Variants in GPM6B observed in about 807,000 individuals in gnomAD.
GPM6B encodes glycoprotein M6B.
Under a neutral mutation model 27.2 loss-of-function variants are expected in GPM6B, and 4 were observed. The ratio of observed to expected loss-of-function variants is 0.15; its 90% CI spans 0.07 to 0.34. GPM6B has a LOEUF of 0.34. Among genes scored for constraint, GPM6B ranks in the 10% least tolerant of loss-of-function variants. The probability of loss-of-function intolerance (pLI) is 1.00; values close to 1 mark genes in which losing one functional copy is unlikely to be tolerated. For missense variants in GPM6B, 183 were observed against 261.9 expected, an observed-to-expected ratio of 0.70 and a Z score of 2.08; for synonymous variants, 124 against 103.1, an observed-to-expected ratio of 1.20 and a Z score of -1.23.
chrX:13,817,523 T>G (rs1398047203), upstream of GPM6B, among the ~76,000 whole-genome samples: 1 of 112,602 alleles, frequency 8.9e-6, no homozygotes, highest in East Asian at 2.8e-4. Context: ...CATGACACTT[T>G]CTTTCCTGTG....
At chrX:13,921,594 TAGACAG>T (rs1920976429) in intron 1 of GPM6B, among the ~76,000 whole-genome samples, 1 of 107,217 alleles carries the variant, frequency 9.3e-6, no homozygotes. Flanking sequence ...TTTTTTTTTT[TAGACAG>T]AGTCTTACTC....
intron 1 of GPM6B, among the ~76,000 whole-genome samples, chrX:13,866,161 T>G (rs969357100): frequency 9.0e-6 from 1 of 111,379 alleles, no homozygotes; most frequent in East Asian, 2.8e-4. Context: ...GTCGGGAGTT[T>G]GAGACCAGCC....
At chrX:13,873,596 T>C (rs1485365872) in intron 1 of GPM6B, among the ~76,000 whole-genome samples, 4 of 111,898 alleles carry the variant, frequency 3.6e-5, no homozygotes, top group Non-Finnish European at 7.5e-5. Context: ...AAAAGAGGGA[T>C]GACTACATCA....
At chrX:13,811,698 C>T (rs1052028861) in intron 1 of GPM6B, among the ~76,000 whole-genome samples, 2 of 111,952 alleles carry the variant, frequency 1.8e-5, no homozygotes, top group African/African-American at 6.5e-5. Flanking sequence ...CTGACCTTTA[C>T]GGAAAAAGTG....
chrX:13,871,219 G>A (rs957266394), intron 1 of GPM6B, among the ~76,000 whole-genome samples: 6 of 112,235 alleles, frequency 5.3e-5, no homozygotes, highest in Non-Finnish European at 9.4e-5. Flanking sequence ...CTGAAGATGA[G>A]TAGGTGCCAC....
chrX:13,876,104 T>A (rs150024823), intron 1 of GPM6B, among the ~76,000 whole-genome samples: 10 of 112,272 alleles, frequency 8.9e-5, no homozygotes, highest in Non-Finnish European at 1.5e-4. Context: ...GTTACAACGA[T>A]GTGTTATGTG....
intron 1 of GPM6B, among the ~76,000 whole-genome samples, chrX:13,876,561 T>G (rs1351191172): frequency 1.8e-5 from 2 of 111,713 alleles, no homozygotes; most frequent in Non-Finnish European, 3.8e-5. Context: ...TGAGAAACAT[T>G]AGGAAATGAG....
chrX:13,897,563 T>C (rs953325452), intron 1 of GPM6B, among the ~76,000 whole-genome samples: 10 of 111,994 alleles, frequency 8.9e-5, no homozygotes, highest in Admixed American at 3.8e-4. Context: ...TTAATAAGCA[T>C]ACCTAGATCT....
At chrX:13,827,748 C>T (rs1247001643) in intron 1 of GPM6B, among the ~76,000 whole-genome samples, 1 of 112,194 alleles carries the variant, frequency 8.9e-6, no homozygotes, top group East Asian at 2.8e-4. Flanking sequence ...GTTCTCACAA[C>T]AGAAGTTGGA....
intron 1 of GPM6B, among the ~76,000 whole-genome samples, chrX:13,858,369 C>G (rs761044458): frequency 5.9e-4 from 66 of 111,662 alleles, no homozygotes; most frequent in African/African-American, 2.1e-3. Context: ...TGACAACTGG[C>G]TGGTGGGGTG....
chrX:13,840,470 G>A (rs754936492), intron 1 of GPM6B, among the ~76,000 whole-genome samples: 23 of 111,685 alleles, frequency 2.1e-4, no homozygotes, highest in African/African-American at 6.5e-4. Context: ...CTTGTTGACT[G>A]GTGTATAGTA....
intron 4 of GPM6B, chrX:13,781,091 C>T (rs2048507942): frequency 4.7e-6 from 1 of 211,895 alleles, no homozygotes; most frequent in South Asian, 5.0e-5. Context: ...GTTTCTTTCC[C>T]TTCAAAAGAA....
At chrX:13,886,942 G>A (rs1483588315) in intron 1 of GPM6B, among the ~76,000 whole-genome samples, 1 of 109,985 alleles carries the variant, frequency 9.1e-6, no homozygotes, top group Non-Finnish European at 1.9e-5. Context: ...TCAGCCTCCC[G>A]AGTAGCTGGG....
chrX:13,885,195 G>A (rs768211169), intron 1 of GPM6B, among the ~76,000 whole-genome samples: 2 of 111,344 alleles, frequency 1.8e-5, no homozygotes, highest in Non-Finnish European at 1.9e-5. Flanking sequence ...AAGTATACAC[G>A]GAGGATTGGT....
rs757484872 is a variant in GPM6B, at chrX:13,777,385, G to A, written c.738C>T (p.Gly246=). 1.4e-5 allele frequency: 17 copies of A among 1,205,870 alleles called. No individual in the cohort carries two copies. The highest frequency in any genetic ancestry group is 1.9e-5 in the Non-Finnish European group (17 of 890,011). The change falls in exon 6 of 8, where the codon GGC becomes GGT. Residue 246 remains glycine, a synonymous_variant. Coordinates refer to ENST00000316715, the MANE Select transcript of GPM6B (RefSeq NM_001001995.3). ...TGTTGCAGATGTTCTCCAGGGCAGA[G>A]CCACATATTTTTCCGGGGAAAGCAT... is the stretch of plus-strand genomic sequence containing the variant. The part of the protein sequence containing the change: ...PWNAFPGKIC[G]SALENICNTN...
chrX:13,802,489 C>A (rs2048940284), intron 2 of GPM6B, among the ~76,000 whole-genome samples: 1 of 110,087 alleles, frequency 9.1e-6, no homozygotes. Flanking sequence ...ATGGAACGTT[C>A]AAAAACAATC....
At chrX:13,867,502 CA>C (rs2049932061) in intron 1 of GPM6B, among the ~76,000 whole-genome samples, 1 of 112,039 alleles carries the variant, frequency 8.9e-6, no homozygotes, top group Non-Finnish European at 1.9e-5. Context: ...CAACAGATCT[CA>C]GGGGTAATAA....
intron 1 of GPM6B, among the ~76,000 whole-genome samples, chrX:13,899,171 G>T (rs1290806468): frequency 9.1e-6 from 1 of 110,400 alleles, no homozygotes; most frequent in African/African-American, 3.3e-5. Context: ...AGCTCTTTGG[G>T]AGGCTGAGGT....
At chrX:13,773,952 CCTTT>C (rs2048354404) in intron 7 of GPM6B, 1 of 563,691 alleles carries the variant, frequency 1.8e-6, no homozygotes, top group South Asian at 9.2e-5. Flanking sequence ...ACATATAAAT[CCTTT>C]TTTTTTTTTT....
Sources: allele counts gnomAD v4.1 joint callset (sites outside exome capture counted in the v4.1 genomes callset), GRCh38; gene constraint gnomAD v4.1.1; transcripts MANE v1.5; gene names NCBI Gene and HGNC (gene_info 2026-07-23, HGNC 2026-07-21).